Variants in SNX29 observed in about 807,000 individuals in gnomAD.
SNX29 encodes the protein sorting nexin 29.
Under a neutral mutation model 102.1 loss-of-function variants are expected in SNX29, and 78 were observed. The observed-to-expected ratio is 0.76, with a 90% CI of 0.64 to 0.92. The LOEUF is 0.92. Ranked by LOEUF, SNX29 falls within the 40% of genes least tolerant of loss-of-function variation. The pLI, the probability that SNX29 is intolerant of heterozygous loss-of-function variation, is 0.00. For synonymous variants in SNX29, 580 were observed against 414.5 expected, an observed-to-expected ratio of 1.40 and a Z score of -4.85; for missense variants, 1,280 against 1,061.7, an observed-to-expected ratio of 1.21 and a Z score of -2.86.
rs186226789 is a variant in SNX29, at chr16:12,182,581, C to G, written c.1596-17020C>G. 1.7e-3 allele frequency among the ~76,000 whole-genome samples: 261 copies of G among 152,214 alleles called. 2 individuals carry two copies. The highest frequency in any genetic ancestry group is 5.8e-3 in the African/African-American group (240 of 41,532). ...ACTGAGGTGGCAGGAGCTCCGCACC[C>G]CTGCCAACCAGTTACCTCTAGCCTG... is the stretch of plus-strand genomic sequence containing the variant. On this transcript the variant is annotated intron_variant, in intron 13 of 20. Coordinates refer to ENST00000566228, the MANE Select transcript of SNX29 (RefSeq NM_032167.5).
In SNX29 at chr16:12,237,283, A is replaced by G. The variant is rs549263743; in HGVS notation, c.1678+37600A>G. Reference sequence around the variant, plus strand: ...TCCTCTCATGCACAGCGAGAATCACAAAGTGTGTCCACTGAAGGGCCTTTG... The same window carrying G: ...TCCTCTCATGCACAGCGAGAATCACGAAGTGTGTCCACTGAAGGGCCTTTG... On this transcript the variant is annotated intron_variant, in intron 14 of 20. Coordinates refer to ENST00000566228, the MANE Select transcript of SNX29 (RefSeq NM_032167.5). 5.9e-5 allele frequency among the ~76,000 whole-genome samples: 9 copies of G among 152,350 alleles called. No individual in the cohort carries two copies. In the East Asian group the frequency reaches 1.5e-3, roughly 26 times the overall value.
At chr16:12,496,658 C>T (rs2088842939) in intron 19 of SNX29, among the ~76,000 whole-genome samples, 1 of 151,998 alleles carries the variant, frequency 6.6e-6, no homozygotes, top group African/African-American at 2.4e-5. Context: ...TTACAGGCAC[C>T]TGCCACCATG....
intron 14 of SNX29, among the ~76,000 whole-genome samples, chr16:12,268,780 T>C (rs1310235503): frequency 2.0e-5 from 3 of 152,196 alleles, no homozygotes; most frequent in Non-Finnish European, 4.4e-5. Context: ...TTGTTCACAT[T>C]GAAAGCAAAA....
At chr16:12,063,332 G>T (rs2050858634) in intron 9 of SNX29, among the ~76,000 whole-genome samples, 2 of 145,602 alleles carry the variant, frequency 1.4e-5, no homozygotes, top group Admixed American at 1.4e-4. Flanking sequence ...ACTTCCTGAT[G>T]GGGGTCTGCC....
intron 11 of SNX29, among the ~76,000 whole-genome samples, chr16:12,119,904 T>G (rs1244670199): frequency 6.6e-6 from 1 of 152,220 alleles, no homozygotes; most frequent in Non-Finnish European, 1.5e-5. Flanking sequence ...GTATTTCAGG[T>G]GCCTCTCGCA....
intron 8 of SNX29, chr16:12,060,965 G>A: frequency 2.3e-6 from 1 of 426,024 alleles, no homozygotes; most frequent in East Asian, 7.1e-5. Context: ...CTCAGATGCA[G>A]CGAGGCGGAG....
In SNX29 at chr16:12,572,862, G is replaced by C. The variant is rs759995260; in HGVS notation, c.*4233G>C. 23 of 1,063,380 alleles carry C rather than the reference G, an allele frequency of 2.2e-5. No homozygotes were observed. The highest frequency in any genetic ancestry group is 2.6e-5 in the Non-Finnish European group (23 of 877,974). 65.9% of individuals were successfully genotyped at this position (1,063,380 alleles called of 1,614,324 possible). ...CTCATGCCCAGGTTTCAGCCCTAAA[G>C]GTAATGATTGTCTTGACTCTGCCTT... On this transcript the variant is annotated 3_prime_UTR_variant, in exon 21 of 21. Coordinates refer to ENST00000566228, the MANE Select transcript of SNX29 (RefSeq NM_032167.5).
At chr16:12,056,564 A>G (rs2050529329) in intron 8 of SNX29, among the ~76,000 whole-genome samples, 1 of 152,166 alleles carries the variant, frequency 6.6e-6, no homozygotes, top group Admixed American at 6.5e-5. Context: ...CCAGACCAGG[A>G]GAAGCTCACT....
intron 18 of SNX29, among the ~76,000 whole-genome samples, chr16:12,412,433 C>T (rs916425383): frequency 1.3e-5 from 2 of 152,222 alleles, no homozygotes; most frequent in African/African-American, 4.8e-5. Context: ...CTGTCACTCT[C>T]TCATTGACCC....
chr16:12,083,334 T>C (rs1344644726), intron 11 of SNX29, among the ~76,000 whole-genome samples: 1 of 151,510 alleles, frequency 6.6e-6, no homozygotes, highest in African/African-American at 2.4e-5. Context: ...TCAAAACTTA[T>C]TTTCTTACAG....
intron 14 of SNX29, among the ~76,000 whole-genome samples, chr16:12,206,277 C>G (rs1003632380): frequency 1.3e-5 from 2 of 150,802 alleles, no homozygotes; most frequent in Middle Eastern, 3.4e-3. Flanking sequence ...GATCCAGGGG[C>G]TGCAACAATA....
At chr16:12,541,049 CTATT>C (rs1438803279) in intron 20 of SNX29, among the ~76,000 whole-genome samples, 3 of 152,134 alleles carry the variant, frequency 2.0e-5, no homozygotes, top group African/African-American at 7.2e-5. Flanking sequence ...AGTCTGGCTG[CTATT>C]TAGTTTCCTG....
intron 4 of SNX29, among the ~76,000 whole-genome samples, chr16:12,031,715 G>A (rs2057350167): frequency 6.6e-6 from 1 of 152,078 alleles, no homozygotes; most frequent in African/African-American, 2.4e-5. Flanking sequence ...TGAGGCAGGA[G>A]AATGGTGTGA....
chr16:12,567,582 C>A (rs547472663), intron 20 of SNX29, among the ~76,000 whole-genome samples: 2 of 152,000 alleles, frequency 1.3e-5, no homozygotes, highest in Non-Finnish European at 2.9e-5. Context: ...CCAGCCTGGA[C>A]AAGAGCAAGA....
chr16:12,559,098 G>A (rs547260778), intron 20 of SNX29, among the ~76,000 whole-genome samples: 9 of 152,206 alleles, frequency 5.9e-5, no homozygotes, highest in East Asian at 3.9e-4. Flanking sequence ...CTTAGTCTAG[G>A]ATGAGTAGTA....
chr16:12,515,924 A>C (rs1001698062), intron 19 of SNX29, among the ~76,000 whole-genome samples: 23 of 152,006 alleles, frequency 1.5e-4, no homozygotes, highest in Non-Finnish European at 2.2e-4. Context: ...GTCACAGTCC[A>C]CTGCAGATCA....
At chr16:12,444,449 C>T (rs974638853) in intron 18 of SNX29, among the ~76,000 whole-genome samples, 3 of 152,236 alleles carry the variant, frequency 2.0e-5, no homozygotes, top group African/African-American at 7.2e-5. Flanking sequence ...GAGCCTGCAG[C>T]CTCATCTGCA....
At chr16:12,486,579 T>A (rs1481678342) in intron 19 of SNX29, among the ~76,000 whole-genome samples, 3 of 152,244 alleles carry the variant, frequency 2.0e-5, no homozygotes, top group African/African-American at 7.2e-5. Context: ...AGGCAGGTGA[T>A]CTGCCTTCAG....
intron 9 of SNX29, among the ~76,000 whole-genome samples, chr16:12,067,894 G>A (rs1007418205): frequency 6.6e-6 from 1 of 152,184 alleles, no homozygotes; most frequent in Non-Finnish European, 1.5e-5. Flanking sequence ...AAGGAGACTT[G>A]AGCATTTATG....
Sources: allele counts gnomAD v4.1 joint callset (sites outside exome capture counted in the v4.1 genomes callset), GRCh38; gene constraint gnomAD v4.1.1; transcripts MANE v1.5; gene names NCBI Gene and HGNC (gene_info 2026-07-23, HGNC 2026-07-21).